Variants in PCYT2 observed in about 807,000 individuals in gnomAD.
PCYT2 encodes the protein ethanolamine-phosphate cytidylyltransferase.
PCYT2 carries 33 observed loss-of-function variants against 50.0 expected under a neutral mutation model. The ratio of observed to expected loss-of-function variants is 0.66; its 90% CI spans 0.50 to 0.88. PCYT2 has a LOEUF of 0.88. PCYT2 is among the 40% of genes least tolerant of loss of function. PCYT2 has a pLI of 0.00. For missense variants in PCYT2, 430 were observed against 519.7 expected (o/e 0.83, Z 1.68); for synonymous variants, 240 against 203.7 (o/e 1.18, Z -1.52).
intron 1 of PCYT2, chr17:81,911,002 T>C: frequency 1.0e-6 from 1 of 994,768 alleles, no homozygotes; most frequent in Non-Finnish European, 1.2e-6. Flanking sequence ...TGGCTCCAGA[T>C]CTCAGCGCGG....
chr17:81,909,488 G>T lies in PCYT2; in HGVS notation c.178+26C>A, dbSNP rs760633492. 6 of 1,595,708 alleles carry T rather than the reference G, an allele frequency of 3.8e-6. No homozygotes were observed. The South Asian group carries it at 6.6e-5, about 18-fold the overall frequency. On this transcript the variant is annotated intron_variant, in intron 2 of 12. Coordinates refer to ENST00000538936, the MANE Select transcript of PCYT2 (RefSeq NM_002861.5). ...ACCCACAGGAGGGCTGGGGGGCCGC[G>T]GGTGGGCGAGGCCATCTGTGCTTAC... is the stretch of plus-strand genomic sequence containing the variant.
rs963741100 is a variant in PCYT2 at position 81,904,554 on chromosome 17, G to A, written c.*279C>T. The A allele has an allele frequency of 4.0e-5, 17 of 430,024 alleles. No homozygotes were observed. Among genetic ancestry groups the A allele is most frequent in the South Asian group, 7.4e-5 (2 of 27,078 alleles). 26.6% of individuals were successfully genotyped at this position (430,024 alleles called of 1,614,324 possible). A position where few individuals can be genotyped will look rare whatever the true frequency, so the allele number is the denominator to read the frequency against. The stretch of plus-strand genomic sequence containing the variant: ...GGGGGCATCCGGGGACCAGGTGGGG[G>A]CGCACGCAGGAGCGGTGCGTTTCAG... On this transcript the variant is annotated 3_prime_UTR_variant, in exon 13 of 13. Transcript: ENST00000538936.
intron 9 of PCYT2, 143 bp downstream of exon 9, chr17:81,905,957 G>A (rs2040240565): frequency 1.3e-6 from 1 of 769,084 alleles, no homozygotes; most frequent in Non-Finnish European, 2.1e-6. Flanking sequence ...ACAGGTATGG[G>A]CAGGTGCCAC....
chr17:81,906,215 T>G (rs376489291), intron 8 of PCYT2, 38 bp from the exon 9 acceptor site: 1 of 1,560,320 alleles, frequency 6.4e-7, no homozygotes, highest in Non-Finnish European at 8.7e-7. Context: ...CCGGAGACTT[T>G]TTGGGGGGAC....
Position 81,901,342 on chromosome 17 carries a change from C to G in PCYT2, c.*3491G>C, listed in dbSNP as rs1377324039. The G allele has an allele frequency of 1.3e-5, 2 of 152,222 alleles. No individual in the cohort carries two copies. Among genetic ancestry groups the G allele is most frequent in the Non-Finnish European group, 2.9e-5 (2 of 68,064 alleles). 9.4% of individuals were successfully genotyped at this position (152,222 alleles called of 1,614,324 possible). ...TGGATTGAGGGTGGGTCTGCCTCTC[C>G]CAGCCCACTGACTCAAATGGGAATC... On this transcript the variant is annotated 3_prime_UTR_variant, in exon 13 of 13. Transcript: ENST00000538936.
rs368625521 is a variant in PCYT2 at position 81,902,115 on chromosome 17, A to C, written c.*2718T>G. On this transcript the variant is annotated 3_prime_UTR_variant, in exon 13 of 13. Transcript: ENST00000538936. The stretch of plus-strand genomic sequence containing the variant: ...CGCGGCTGGTTCCTTTGGGATGCGG[A>C]GGTGCGACGGCTCCTCCGCGCGCGC... The C allele has an allele frequency of 2.1e-4, 106 of 510,980 alleles. 1 individual carries two copies. Among genetic ancestry groups the C allele is most frequent in the East Asian group, 5.9e-4 (12 of 20,338 alleles). The allele number at this position is 510,980 out of a possible 1,614,324, so 31.7% of individuals were successfully genotyped here.
intron 1 of PCYT2, 85 bp from the exon 2 acceptor site, chr17:81,909,687 T>TAA: frequency 9.7e-7 from 1 of 1,028,254 alleles, no homozygotes; most frequent in Non-Finnish European, 1.5e-6. Context: ...GCTTTGCTCC[T>TAA]CTGAGGACTC....
chr17:81,907,366 C>T, intron 6 of PCYT2, 188 bp downstream of exon 6: 1 of 1,223,490 alleles, frequency 8.2e-7, no homozygotes, highest in Non-Finnish European at 1.1e-6. Flanking sequence ...GGTGCCACCA[C>T]CCGCCTGCCC....
chr17:81,909,014 GC>G lies in PCYT2; in HGVS notation c.201del (p.Pro69ArgfsTer31). 6.2e-7 allele frequency: 1 copy of G among 1,613,802 alleles called. No homozygotes were observed. Among genetic ancestry groups the G allele is most frequent in the Non-Finnish European group, 8.5e-7 (1 of 1,179,946 alleles). The part of the protein sequence containing the change: ...HTDEEIAKHK[G>X]PPVFTQEERY... ...CTCTCCTCCTGAGTGAACACCGGGG[GC>G]CCCTTGTGCTTGGCGATCTCCTCTA... On this transcript the variant is annotated frameshift_variant, in exon 3 of 13. Coordinates refer to ENST00000538936, the MANE Select transcript of PCYT2 (RefSeq NM_002861.5). LOFTEE classifies it high-confidence loss of function.
rs760559464 is a variant in PCYT2, at chr17:81,903,939, C to T, written c.*894G>A. On this transcript the variant is annotated 3_prime_UTR_variant, in exon 13 of 13. Transcript: ENST00000538936. ...CCGGAGGCTGCAGTAAGAACCTCTT[C>T]GGCCTCTGGGCTGCTCCAGGCGGGC... is the stretch of plus-strand genomic sequence containing the variant. The T allele has an allele frequency of 3.3e-5, 5 of 152,276 alleles. No homozygotes were observed. Among genetic ancestry groups the T allele is most frequent in the Admixed American group, 3.3e-4 (5 of 15,292 alleles). 9.4% of individuals were successfully genotyped at this position (152,276 alleles called of 1,614,324 possible).
chr17:81,909,256 G>A (rs2143721505), intron 2 of PCYT2: 1 of 1,430,032 alleles, frequency 7.0e-7, no homozygotes, highest in East Asian at 2.5e-5. Context: ...ACGAGCAGGT[G>A]CTCAGCCCCT....
chr17:81,906,432 C>T (rs752538162), intron 8 of PCYT2, 32 bp downstream of exon 8: 1 of 1,598,842 alleles, frequency 6.3e-7, no homozygotes, highest in South Asian at 1.1e-5. Flanking sequence ...CCATCAGCTG[C>T]CCAGGGGCCC....
rs1177631610 is a variant in PCYT2 at position 81,907,842 on chromosome 17, C to T, written c.423G>A (p.Thr141=). The T allele has an allele frequency of 1.5e-5, 24 of 1,610,206 alleles. No individual in the cohort carries two copies. Among genetic ancestry groups the T allele is most frequent in the Non-Finnish European group, 2.0e-5 (24 of 1,177,906 alleles). ...QAGRYRECKR[T]QGVSTTDLVG... ...CGAGGTCTGTGGTGGACACCCCTTG[C>T]GTGCGCTTGCATTCTCTGGGGGACA... Residue 141 remains threonine (T), a synonymous_variant, in exon 5 of 13, where the codon ACG becomes ACA. Coordinates refer to ENST00000538936, the MANE Select transcript of PCYT2 (RefSeq NM_002861.5).
At chr17:81,910,143 G>A (rs1317159616) in intron 1 of PCYT2, among the ~76,000 whole-genome samples, 1 of 152,202 alleles carries the variant, frequency 6.6e-6, no homozygotes, top group Non-Finnish European at 1.5e-5. Context: ...CAGGCTTAAC[G>A]CTAAGGGTGA....
Position 81,902,812 on chromosome 17 carries a change from G to A in PCYT2, c.*2021C>T. 3 of 1,455,944 alleles carry A rather than the reference G, an allele frequency of 2.1e-6. No homozygotes were observed. Among genetic ancestry groups the A allele is most frequent in the Admixed American group, 2.3e-5 (1 of 44,084 alleles). The allele number at this position is 1,455,944 out of a possible 1,614,324, so 90.2% of individuals were successfully genotyped here. A position where few individuals can be genotyped will look rare whatever the true frequency, so the allele number is the denominator to read the frequency against. On this transcript the variant is annotated 3_prime_UTR_variant, in exon 13 of 13. Transcript: ENST00000538936. ...CCCACCGTCCCACTCGGTGACCCCA[G>A]GCCCCTCCGGCGCGGGATGGCGCCC...
chr17:81,907,443 G>A, intron 6 of PCYT2, 111 bp downstream of exon 6: 1 of 1,279,920 alleles, frequency 7.8e-7, no homozygotes, highest in Non-Finnish European at 1.1e-6. Flanking sequence ...AGGGACAGAG[G>A]GAGGAGGGTG....
At position 81,905,813 on chromosome 17, in the gene PCYT2, G is replaced by A. The variant is rs1395205247; in HGVS notation, c.838-78C>T. ...CCAGGGCCACAGGGTGGTGAGAGAC[G>A]GCTCAGACATGGGGCGGGGCTGCCA... On this transcript the variant is annotated intron_variant, in intron 9 of 12. Transcript: ENST00000538936. The A allele has an allele frequency of 8.5e-5, 123 of 1,451,092 alleles. 1 individual carries two copies. Among genetic ancestry groups the A allele is most frequent in the Middle Eastern group, 1.7e-4 (1 of 5,760 alleles). The allele number at this position is 1,451,092 out of a possible 1,614,324, so 89.9% of individuals were successfully genotyped here. A position where few individuals can be genotyped will look rare whatever the true frequency, so the allele number is the denominator to read the frequency against.
intron 9 of PCYT2, 138 bp from the exon 10 acceptor site, chr17:81,905,873 C>A (rs945392211): frequency 4.9e-5 from 45 of 912,622 alleles, no homozygotes; most frequent in Admixed American, 1.9e-5. Flanking sequence ...AGGCTGGGGA[C>A]CCCTGGGGCT....
At chr17:81,908,197 G>A (rs1444712170) in intron 4 of PCYT2, among the ~76,000 whole-genome samples, 2 of 152,174 alleles carry the variant, frequency 1.3e-5, no homozygotes, top group Admixed American at 1.3e-4. Flanking sequence ...AGCATCTGCA[G>A]CTGAGTGAAT....
Sources: gnomAD v4.1 joint callset for allele counts (sites outside exome capture counted in the v4.1 genomes callset) on GRCh38, gnomAD v4.1.1 for gene constraint, MANE v1.5 for transcripts, NCBI Gene and HGNC (gene_info 2026-07-23, HGNC 2026-07-21) for gene names.